Variants in FARS2 observed in about 807,000 individuals in gnomAD.
FARS2 encodes the protein phenylalanyl-tRNA synthetase 2, mitochondrial, also known as phenylalanine--tRNA ligase, mitochondrial.
In FARS2, 40 loss-of-function variants were observed where a neutral mutation model predicts 46.4. The observed-to-expected ratio is 0.86, with a 90% CI of 0.67 to 1.12. The LOEUF is 1.12. Ranked by LOEUF, FARS2 falls within the 50% of genes most tolerant of loss-of-function variation. The pLI, the probability that FARS2 is intolerant of heterozygous loss-of-function variation, is 0.00. For synonymous variants in FARS2, 234 were observed against 214.9 expected, an observed-to-expected ratio of 1.09 and a Z score of -0.78; for missense variants, 513 against 567.9, an observed-to-expected ratio of 0.90 and a Z score of 0.98.
intron 4 of FARS2, among the ~76,000 whole-genome samples, chr6:5,459,664 A>C (rs541463526): frequency 6.6e-6 from 1 of 152,246 alleles, no homozygotes; most frequent in Admixed American, 6.5e-5. Flanking sequence ...TTTTTAAAAA[A>C]AGACTTCTAT....
At chr6:5,481,829 C>T (rs1766479569) in intron 4 of FARS2, among the ~76,000 whole-genome samples, 1 of 151,932 alleles carries the variant, frequency 6.6e-6, no homozygotes, top group South Asian at 2.1e-4. Context: ...GCTTCCAGAT[C>T]CACTCTCGTG....
intron 6 of FARS2, among the ~76,000 whole-genome samples, chr6:5,735,927 G>A (rs1760915802): frequency 6.6e-6 from 1 of 152,204 alleles, no homozygotes; most frequent in South Asian, 2.1e-4. Flanking sequence ...AGATTAGAGA[G>A]CTGGCTTGAA....
intron 6 of FARS2, among the ~76,000 whole-genome samples, chr6:5,689,705 T>C (rs1234180285): frequency 6.6e-6 from 1 of 151,802 alleles, no homozygotes; most frequent in Non-Finnish European, 1.5e-5. Context: ...TCTGTAGATG[T>C]CTATTAGGTC....
chr6:5,688,501 G>T (rs760549472), intron 6 of FARS2, among the ~76,000 whole-genome samples: 1 of 152,146 alleles, frequency 6.6e-6, no homozygotes, highest in African/African-American at 2.4e-5. Flanking sequence ...GCTGGATTAC[G>T]TTTATCGATT....
intron 6 of FARS2, among the ~76,000 whole-genome samples, chr6:5,673,966 T>G (rs1778618682): frequency 6.6e-6 from 1 of 152,068 alleles, no homozygotes; most frequent in African/African-American, 2.4e-5. Flanking sequence ...ATTTGCTTAT[T>G]TAAACTTCTG....
chr6:5,504,555 C>T (rs1480144605), intron 4 of FARS2, among the ~76,000 whole-genome samples: 1 of 151,238 alleles, frequency 6.6e-6, no homozygotes, highest in Non-Finnish European at 1.5e-5. Flanking sequence ...TTAACAGAAA[C>T]ATCCATTGAA....
chr6:5,295,998 C>T (rs545158382), intron 1 of FARS2, among the ~76,000 whole-genome samples: 3 of 152,126 alleles, frequency 2.0e-5, no homozygotes, highest in African/African-American at 4.8e-5. Flanking sequence ...GTGTGCCAGG[C>T]GCATGCTAAA....
intron 6 of FARS2, among the ~76,000 whole-genome samples, chr6:5,681,385 A>AGT (rs2150834118): frequency 1.3e-5 from 2 of 152,356 alleles, no homozygotes; most frequent in Admixed American, 1.3e-4. Flanking sequence ...CATTTTATAA[A>AGT]TATTCATGTT....
At chr6:5,268,344 C>A (rs1190682324) in intron 1 of FARS2, among the ~76,000 whole-genome samples, 1 of 152,116 alleles carries the variant, frequency 6.6e-6, no homozygotes, top group African/African-American at 2.4e-5. Context: ...TTAGGTCTAA[C>A]ATTTAAGTCT....
At chr6:5,597,115 G>T (rs1184395666) in intron 5 of FARS2, among the ~76,000 whole-genome samples, 2 of 152,218 alleles carry the variant, frequency 1.3e-5, no homozygotes, top group Non-Finnish European at 2.9e-5. Context: ...TGGACGGAAA[G>T]CAGCTGCTCC....
At chr6:5,667,657 G>A (rs1778213936) in intron 6 of FARS2, among the ~76,000 whole-genome samples, 1 of 152,124 alleles carries the variant, frequency 6.6e-6, no homozygotes, top group Non-Finnish European at 1.5e-5. Flanking sequence ...TACCAAACAT[G>A]GAGCCATCCA....
chr6:5,437,531 T>A (rs1023996798), intron 4 of FARS2, among the ~76,000 whole-genome samples: 1 of 152,166 alleles, frequency 6.6e-6, no homozygotes, highest in Non-Finnish European at 1.5e-5. Flanking sequence ...GCCATATTAT[T>A]AGGTGCATAT....
intron 4 of FARS2, chr6:5,452,895 T>A (rs1764585394): frequency 6.6e-6 from 1 of 152,098 alleles, no homozygotes; most frequent in African/African-American, 2.4e-5. Context: ...TGTGAAGGGC[T>A]AAGGGAAGTG....
At chr6:5,560,330 G>A (rs1771917934) in intron 5 of FARS2, among the ~76,000 whole-genome samples, 1 of 152,056 alleles carries the variant, frequency 6.6e-6, no homozygotes, top group South Asian at 2.1e-4. Context: ...ATGATCTTAT[G>A]ATTTCTGGCT....
At chr6:5,299,111 A>G (rs1222917501) in intron 1 of FARS2, among the ~76,000 whole-genome samples, 2 of 152,202 alleles carry the variant, frequency 1.3e-5, no homozygotes, top group Admixed American at 6.5e-5. Context: ...ATAAAGAGCA[A>G]CTGTTTGCTT....
chr6:5,487,040 C>T (rs1472931866), intron 4 of FARS2, among the ~76,000 whole-genome samples: 1 of 151,912 alleles, frequency 6.6e-6, no homozygotes, highest in Non-Finnish European at 1.5e-5. Context: ...ATTGGCTGCT[C>T]ATGTCCAGGG....
chr6:5,513,878 A>G (rs887237337), intron 4 of FARS2, among the ~76,000 whole-genome samples: 5 of 152,102 alleles, frequency 3.3e-5, no homozygotes, highest in African/African-American at 4.8e-5. Flanking sequence ...ACAGATCACA[A>G]GAGTTCAAGA....
At chr6:5,671,835 G>A (rs1778482461) in intron 6 of FARS2, among the ~76,000 whole-genome samples, 1 of 152,180 alleles carries the variant, frequency 6.6e-6, no homozygotes, top group African/African-American at 2.4e-5. Flanking sequence ...GGGAGGTGAG[G>A]CTTCTGAGCC....
intron 6 of FARS2, among the ~76,000 whole-genome samples, chr6:5,646,472 G>A (rs763379155): frequency 2.0e-5 from 3 of 152,160 alleles, no homozygotes; most frequent in African/African-American, 4.8e-5. Flanking sequence ...TGGTCTATGC[G>A]TGATGGCCTT....
Sources: gnomAD v4.1 joint callset for allele counts (sites outside exome capture counted in the v4.1 genomes callset) on GRCh38, gnomAD v4.1.1 for gene constraint, MANE v1.5 for transcripts, NCBI Gene and HGNC (gene_info 2026-07-23, HGNC 2026-07-21) for gene names.